XPR1: variants seen among roughly 807,000 people sequenced by gnomAD.
The protein encoded by XPR1 is solute carrier family 53 member 1.
XPR1 carries 28 observed loss-of-function variants against 87.5 expected under a neutral mutation model. The ratio of observed to expected loss-of-function variants is 0.32; its 90% CI spans 0.24 to 0.44. The LOEUF (loss-of-function observed/expected upper bound fraction) is 0.44, where lower values mean the gene tolerates loss of function less well. Ranked by LOEUF, XPR1 falls within the 20% of genes least tolerant of loss-of-function variation. XPR1 has a pLI of 1.00. For missense variants in XPR1, 559 were observed against 862.3 expected (o/e 0.65, Z 4.41); for synonymous variants, 300 against 306.1 (o/e 0.98, Z 0.21).
intron 2 of XPR1, among the ~76,000 whole-genome samples, chr1:180,761,370 G>A (rs1391727210): frequency 1.2e-4 from 18 of 152,056 alleles, no homozygotes; most frequent in Admixed American, 2.6e-4. Context: ...CAACCTACTC[G>A]TCTGACAAAG....
At chr1:180,652,300 A>T (rs1655323878) in intron 1 of XPR1, among the ~76,000 whole-genome samples, 1 of 152,190 alleles carries the variant, frequency 6.6e-6, no homozygotes, top group South Asian at 2.1e-4. Context: ...TCTCAAAAAA[A>T]AAAGAAGGTT....
intron 2 of XPR1, among the ~76,000 whole-genome samples, chr1:180,780,746 C>T (rs1193589734): frequency 6.6e-5 from 9 of 137,316 alleles, no homozygotes; most frequent in African/African-American, 2.6e-4. Context: ...CCAACCTGGG[C>T]AACAGAGCAA....
At chr1:180,832,956 A>G (rs1371091763) in intron 9 of XPR1, among the ~76,000 whole-genome samples, 1 of 152,222 alleles carries the variant, frequency 6.6e-6, no homozygotes, top group African/African-American at 2.4e-5. Flanking sequence ...TTTGGGCAGT[A>G]TGGCATTTTC....
chr1:180,666,171 A>G (rs1274201123), intron 1 of XPR1, among the ~76,000 whole-genome samples: 2 of 152,196 alleles, frequency 1.3e-5, no homozygotes, highest in East Asian at 1.9e-4. Flanking sequence ...TGTCAGTACT[A>G]TACTATTTGG....
At chr1:180,674,976 T>A (rs533177321) in intron 1 of XPR1, among the ~76,000 whole-genome samples, 43 of 152,342 alleles carry the variant, frequency 2.8e-4, no homozygotes, top group African/African-American at 9.4e-4. Flanking sequence ...TATTATTGGT[T>A]TGTGGTTATC....
At chr1:180,816,722 C>A (rs200841292) in intron 7 of XPR1, among the ~76,000 whole-genome samples, 3 of 152,150 alleles carry the variant, frequency 2.0e-5, no homozygotes, top group Admixed American at 6.6e-5. Context: ...TTGGTATAAA[C>A]AAACATATTG....
chr1:180,758,483 G>A (rs374729428), intron 2 of XPR1, among the ~76,000 whole-genome samples: 18 of 152,100 alleles, frequency 1.2e-4, no homozygotes, highest in African/African-American at 4.3e-4. Flanking sequence ...CGAGGTGGGT[G>A]GATCATTTGA....
chr1:180,761,677 T>G (rs1230467243), intron 2 of XPR1, among the ~76,000 whole-genome samples: 2 of 152,192 alleles, frequency 1.3e-5, no homozygotes. Flanking sequence ...TTGGTGGGAC[T>G]GTAAACTAGT....
At chr1:180,787,078 T>C (rs894922598) in intron 2 of XPR1, among the ~76,000 whole-genome samples, 2 of 152,160 alleles carry the variant, frequency 1.3e-5, no homozygotes, top group African/African-American at 4.8e-5. Context: ...CCCTAAGATA[T>C]TTATTCTCTT....
chr1:180,880,819 T>C (rs1028446424), intron 14 of XPR1, among the ~76,000 whole-genome samples: 2 of 139,820 alleles, frequency 1.4e-5, no homozygotes, highest in Non-Finnish European at 3.2e-5. Context: ...ATTTTTATCT[T>C]CTTATTAAAT....
intron 2 of XPR1, among the ~76,000 whole-genome samples, chr1:180,710,785 G>A (rs898088537): frequency 6.6e-6 from 1 of 151,566 alleles, no homozygotes; most frequent in Admixed American, 6.5e-5. Context: ...GCCGGGCAGA[G>A]GCGCCCCCCC....
At chr1:180,834,243 G>T (rs565441602) in intron 9 of XPR1, among the ~76,000 whole-genome samples, 3 of 151,928 alleles carry the variant, frequency 2.0e-5, no homozygotes, top group African/African-American at 7.3e-5. Context: ...TACCATGCCC[G>T]GCTAATTTTT....
At chr1:180,880,419 C>A in intron 14 of XPR1, 122 bp downstream of exon 14, 2 of 1,061,660 alleles carry the variant, frequency 1.9e-6, no homozygotes, top group African/African-American at 1.6e-5. Flanking sequence ...CCATTTTTCA[C>A]CTACAAAAAA....
intron 11 of XPR1, among the ~76,000 whole-genome samples, chr1:180,857,983 G>A (rs1333872032): frequency 1.3e-5 from 2 of 152,146 alleles, no homozygotes; most frequent in Non-Finnish European, 2.9e-5. Context: ...TTGATAGGCC[G>A]AGGCAGGCAG....
chr1:180,636,727 A>G (rs1654787357), intron 1 of XPR1, among the ~76,000 whole-genome samples: 1 of 151,930 alleles, frequency 6.6e-6, no homozygotes, highest in Non-Finnish European at 1.5e-5. Flanking sequence ...TGTGCCCAAA[A>G]CTCCCATGGA....
intron 7 of XPR1, among the ~76,000 whole-genome samples, chr1:180,813,043 C>CA (rs998859067): frequency 2.1e-5 from 3 of 142,152 alleles, no homozygotes; most frequent in Non-Finnish European, 4.6e-5. Context: ...TCTTTTTTCC[C>CA]CCCCCCCAAT....
intron 7 of XPR1, among the ~76,000 whole-genome samples, chr1:180,813,039 T>TCC (rs1382624479): frequency 2.0e-4 from 24 of 120,776 alleles, no homozygotes; most frequent in East Asian, 1.5e-3. Context: ...AGTGTCTTTT[T>TCC]TCCCCCCCCC....
chr1:180,717,536 G>T (rs1330228427), intron 2 of XPR1, among the ~76,000 whole-genome samples: 2 of 151,978 alleles, frequency 1.3e-5, no homozygotes, highest in African/African-American at 4.8e-5. Context: ...GAACTACCTG[G>T]GGATTGCTAA....
chr1:180,739,201 T>C (rs1658839668), intron 2 of XPR1, among the ~76,000 whole-genome samples: 1 of 152,230 alleles, frequency 6.6e-6, no homozygotes. Flanking sequence ...TGTTTGGGTC[T>C]ATTTCTGGAC....
Sources: allele counts gnomAD v4.1 joint callset (sites outside exome capture counted in the v4.1 genomes callset), GRCh38; gene constraint gnomAD v4.1.1; transcripts MANE v1.5; gene names NCBI Gene and HGNC (gene_info 2026-07-23, HGNC 2026-07-21).